CD2AP: variants seen among roughly 807,000 people sequenced by gnomAD.
CD2AP encodes CD2-associated protein.
Under a neutral mutation model 85.1 loss-of-function variants are expected in CD2AP, and 46 were observed. That is an observed-to-expected ratio of 0.54 (90% CI 0.43 to 0.69). The LOEUF (loss-of-function observed/expected upper bound fraction) is 0.69, where lower values mean the gene tolerates loss of function less well. Among genes scored for constraint, CD2AP ranks in the 30% least tolerant of loss-of-function variants. CD2AP has a pLI of 0.00. For missense variants in CD2AP, 769 were observed against 729.5 expected, an observed-to-expected ratio of 1.05 and a Z score of -0.62; for synonymous variants, 255 against 252.9, an observed-to-expected ratio of 1.01 and a Z score of -0.08.
At chr6:47,568,568 C>T (rs756011512) in intron 5 of CD2AP, among the ~76,000 whole-genome samples, 17 of 151,952 alleles carry the variant, frequency 1.1e-4, no homozygotes, top group Non-Finnish European at 2.4e-4. Flanking sequence ...GTTGAAACCC[C>T]GTCTCTACTA....
chr6:47,574,098 T>G lies in CD2AP; in HGVS notation c.576T>G (p.Pro192=). The change falls in exon 6 of 18, where the codon CCT becomes CCG. Residue 192 remains proline, a synonymous_variant. Coordinates refer to ENST00000359314, the MANE Select transcript of CD2AP (RefSeq NM_012120.3). ...TVLAGPTSPI[P]SLGNVSETAS... Reference sequence around the variant, plus strand: ...TGGCTGGGCCTACTTCACCTATACCTTCTCTGGGAAATGTGAGTGAAACTG... The same window carrying G: ...TGGCTGGGCCTACTTCACCTATACCGTCTCTGGGAAATGTGAGTGAAACTG... 6.2e-7 allele frequency: 1 copy of G among 1,614,092 alleles called. No individual in the cohort carries two copies. The highest frequency in any genetic ancestry group is 1.1e-5 in the South Asian group (1 of 91,086).
rs545365777 is a variant in CD2AP, at chr6:47,511,314, A to C, written c.165+7874A>C. On this transcript the variant is annotated intron_variant, in intron 2 of 17. Transcript: ENST00000359314. The stretch of plus-strand genomic sequence containing the variant: ...AACTAAATTGAGAGACATTCTACAA[A>C]ATACCTGACCAGTACTCCTCAAAAA... Among the ~76,000 whole-genome samples the C allele has an allele frequency of 7.7e-4, 117 of 152,276 alleles. 2 individuals carry two copies. The South Asian group carries it at 0.024, about 31-fold the overall frequency.
At chr6:47,570,494 T>C (rs1382107221) in intron 5 of CD2AP, among the ~76,000 whole-genome samples, 1 of 151,558 alleles carries the variant, frequency 6.6e-6, no homozygotes, top group Non-Finnish European at 1.5e-5. Context: ...ACCTCCTGCA[T>C]GCCCTTTTTC....
intron 5 of CD2AP, among the ~76,000 whole-genome samples, chr6:47,555,832 T>G (rs1238930199): frequency 6.6e-6 from 1 of 152,018 alleles, no homozygotes; most frequent in Non-Finnish European, 1.5e-5. Flanking sequence ...AAGGGCTGTT[T>G]CGTGCATTGA....
chr6:47,624,407 A>G lies in CD2AP; in HGVS notation c.*180A>G, dbSNP rs546621872. 20 of 566,936 alleles carry G rather than the reference A, an allele frequency of 3.5e-5. No homozygotes were observed. The highest frequency in any genetic ancestry group is 2.9e-4 in the Admixed American group (9 of 31,450). 35.1% of individuals were successfully genotyped at this position (566,936 alleles called of 1,614,324 possible). On this transcript the variant is annotated 3_prime_UTR_variant, in exon 18 of 18. Transcript: ENST00000359314. Reference sequence around the variant, plus strand: ...TTTATATATATATTTTGTTTTGCCAATATGAAGAAAAAGAGGCCTTATTTC... The same window carrying G: ...TTTATATATATATTTTGTTTTGCCAGTATGAAGAAAAAGAGGCCTTATTTC...
intron 11 of CD2AP, among the ~76,000 whole-genome samples, chr6:47,590,128 C>T (rs1309397350): frequency 6.6e-6 from 1 of 151,892 alleles, no homozygotes; most frequent in Non-Finnish European, 1.5e-5. Context: ...TGACACATGG[C>T]TAGAAACCAA....
chr6:47,562,389 A>G (rs1767886020), intron 5 of CD2AP, among the ~76,000 whole-genome samples: 1 of 152,214 alleles, frequency 6.6e-6, no homozygotes, highest in Non-Finnish European at 1.5e-5. Flanking sequence ...TAGACAGTAT[A>G]TATCAGATCT....
At chr6:47,610,973 T>TATATATATATATATATATATATATATA (rs1454709863) in intron 16 of CD2AP, among the ~76,000 whole-genome samples, 1 of 30,044 alleles carries the variant, frequency 3.3e-5, no homozygotes, top group African/African-American at 1.3e-4. Flanking sequence ...ATATATGTAT[T>TATATATATATATATATATATATATATA]TTTTTTTTTT....
chr6:47,529,847 T>C (rs954005338), intron 2 of CD2AP, among the ~76,000 whole-genome samples: 9 of 152,248 alleles, frequency 5.9e-5, no homozygotes, highest in Non-Finnish European at 1.0e-4. Flanking sequence ...GAGAGCTTTA[T>C]ATCAGCCGTC....
chr6:47,612,162 A>G (rs924509773), intron 16 of CD2AP, among the ~76,000 whole-genome samples: 1 of 152,106 alleles, frequency 6.6e-6, no homozygotes, highest in African/African-American at 2.4e-5. Context: ...CAGTTTTCCA[A>G]CCTGGAAAAT....
intron 13 of CD2AP, among the ~76,000 whole-genome samples, chr6:47,601,941 A>G (rs996789245): frequency 2.0e-5 from 3 of 151,968 alleles, no homozygotes; most frequent in East Asian, 1.9e-4. Flanking sequence ...TTAACTAACA[A>G]TGGAATGATT....
At chr6:47,547,571 A>G (rs1391644901) in intron 4 of CD2AP, among the ~76,000 whole-genome samples, 6 of 152,082 alleles carry the variant, frequency 3.9e-5, no homozygotes, top group African/African-American at 1.2e-4. Context: ...TAGTAAGACA[A>G]TAATAGTGGG....
chr6:47,479,692 T>A (rs1582457508), intron 1 of CD2AP, among the ~76,000 whole-genome samples: 1 of 152,194 alleles, frequency 6.6e-6, no homozygotes, highest in Admixed American at 6.5e-5. Context: ...TTCTTTTCTG[T>A]CTTAAATGGG....
At chr6:47,572,919 A>AT (rs1249366633) in intron 5 of CD2AP, among the ~76,000 whole-genome samples, 5 of 152,262 alleles carry the variant, frequency 3.3e-5, no homozygotes, top group East Asian at 1.9e-4. Context: ...TCTTACTGTT[A>AT]TTTTTTAACA....
chr6:47,569,848 C>T (rs1768102644), intron 5 of CD2AP, among the ~76,000 whole-genome samples: 1 of 152,094 alleles, frequency 6.6e-6, no homozygotes, highest in Non-Finnish European at 1.5e-5. Context: ...TATTAGTATT[C>T]ACCTTATACT....
At chr6:47,553,513 ATTTTTTT>A (rs148273065) in intron 4 of CD2AP, among the ~76,000 whole-genome samples, 2,851 of 110,550 alleles carry the variant, frequency 0.026, 75 homozygotes, top group African/African-American at 0.07. Flanking sequence ...CACCTAGTGA[ATTTTTTT>A]TTTTTTTTTT....
intron 3 of CD2AP, among the ~76,000 whole-genome samples, chr6:47,535,876 T>C (rs532207103): frequency 1.4e-4 from 21 of 152,324 alleles, no homozygotes; most frequent in Middle Eastern, 3.4e-3. Flanking sequence ...TAGGGAGCTA[T>C]AAAGGGATAA....
chr6:47,536,361 A>T (rs542563675), intron 3 of CD2AP, among the ~76,000 whole-genome samples: 1 of 152,040 alleles, frequency 6.6e-6, no homozygotes, highest in Non-Finnish European at 1.5e-5. Context: ...ATTTAAAAAA[A>T]CCCAAAACCA....
chr6:47,519,382 C>G (rs1187437934), intron 2 of CD2AP, among the ~76,000 whole-genome samples: 3 of 152,158 alleles, frequency 2.0e-5, no homozygotes, highest in African/African-American at 7.2e-5. Flanking sequence ...GGGTTTCTAG[C>G]TACTCTACTA....
Sources: allele counts gnomAD v4.1 joint callset (sites outside exome capture counted in the v4.1 genomes callset), GRCh38; gene constraint gnomAD v4.1.1; transcripts MANE v1.5; gene names NCBI Gene and HGNC (gene_info 2026-07-23, HGNC 2026-07-21).